Variants in GALNTL6 observed in about 807,000 individuals in gnomAD.
GALNTL6 encodes polypeptide N-acetylgalactosaminyltransferase-like 6.
In GALNTL6, 46 loss-of-function variants were observed where a neutral mutation model predicts 73.7. The observed-to-expected ratio is 0.62, with a 90% confidence interval of 0.49 to 0.80. The LOEUF is 0.80. Among genes scored for constraint, GALNTL6 ranks in the 30% least tolerant of loss-of-function variants. The pLI, the probability that GALNTL6 is intolerant of heterozygous loss-of-function variation, is 0.00. For synonymous variants in GALNTL6, 259 were observed against 263.7 expected (o/e 0.98, Z 0.17); for missense variants, 604 against 755.0 (o/e 0.80, Z 2.34).
At chr4:172,586,604 A>T (rs1405596019) in intron 5 of GALNTL6, among the ~76,000 whole-genome samples, 2 of 152,164 alleles carry the variant, frequency 1.3e-5, no homozygotes, top group Admixed American at 1.3e-4. Context: ...CTATATCTGG[A>T]TGCAGGGAAT....
At chr4:172,371,360 A>G (rs186599645) in intron 5 of GALNTL6, among the ~76,000 whole-genome samples, 14 of 152,350 alleles carry the variant, frequency 9.2e-5, no homozygotes, top group Admixed American at 8.5e-4. Flanking sequence ...ATGGGTTGTC[A>G]TTGGCCTCAG....
At chr4:172,590,568 CT>C (rs1205277897) in intron 5 of GALNTL6, among the ~76,000 whole-genome samples, 2 of 152,158 alleles carry the variant, frequency 1.3e-5, no homozygotes, top group East Asian at 3.9e-4. Flanking sequence ...AAAGACAAAG[CT>C]TTAGATGAAC....
At chr4:171,925,862 T>C (rs1014425648) in intron 2 of GALNTL6, among the ~76,000 whole-genome samples, 2 of 152,136 alleles carry the variant, frequency 1.3e-5, no homozygotes, top group African/African-American at 4.8e-5. Flanking sequence ...TCATAAATAA[T>C]TAGATGAACA....
chr4:172,816,138 A>G (rs907301277), intron 7 of GALNTL6, among the ~76,000 whole-genome samples: 6 of 152,168 alleles, frequency 3.9e-5, no homozygotes, highest in Non-Finnish European at 8.8e-5. Context: ...GCTGCCGCCA[A>G]AGTGTATGGT....
chr4:172,429,934 T>A (rs1349038757), intron 5 of GALNTL6, among the ~76,000 whole-genome samples: 1 of 152,154 alleles, frequency 6.6e-6, no homozygotes, highest in Non-Finnish European at 1.5e-5. Context: ...CAGAAATTCA[T>A]ACCAATCACC....
At chr4:172,532,216 G>A (rs1461024534) in intron 5 of GALNTL6, among the ~76,000 whole-genome samples, 2 of 152,178 alleles carry the variant, frequency 1.3e-5, no homozygotes, top group Non-Finnish European at 2.9e-5. Flanking sequence ...CAGTTAAGAA[G>A]AGGTTACTAA....
chr4:172,256,230 G>A (rs1738072564), intron 3 of GALNTL6, among the ~76,000 whole-genome samples: 2 of 151,110 alleles, frequency 1.3e-5, no homozygotes, highest in South Asian at 4.2e-4. Context: ...CAATCCAGCT[G>A]CAACAACCAT....
At chr4:172,701,580 C>T (rs1249625326) in intron 5 of GALNTL6, among the ~76,000 whole-genome samples, 1 of 152,042 alleles carries the variant, frequency 6.6e-6, no homozygotes, top group Non-Finnish European at 1.5e-5. Context: ...GCTTTAGTCG[C>T]AGTGTTACAC....
At chr4:171,822,485 AAT>A (rs1734711596) in intron 2 of GALNTL6, among the ~76,000 whole-genome samples, 1 of 152,190 alleles carries the variant, frequency 6.6e-6, no homozygotes, top group Non-Finnish European at 1.5e-5. Context: ...TAGGAGAAAT[AAT>A]TGGATTGTAT....
chr4:173,033,978 C>A (rs571661605), intron 12 of GALNTL6, among the ~76,000 whole-genome samples: 1 of 152,278 alleles, frequency 6.6e-6, no homozygotes, highest in South Asian at 2.1e-4. Context: ...TCGTAAGCAT[C>A]TCCAACTCGT....
chr4:172,007,065 A>G (rs995166160), intron 2 of GALNTL6, among the ~76,000 whole-genome samples: 1 of 152,188 alleles, frequency 6.6e-6, no homozygotes, highest in African/African-American at 2.4e-5. Flanking sequence ...TCCTTTTACA[A>G]TAATGAAAGA....
chr4:171,852,847 TTTTTTG>T (rs1338480613), intron 2 of GALNTL6, among the ~76,000 whole-genome samples: 23 of 150,464 alleles, frequency 1.5e-4, no homozygotes, highest in Admixed American at 1.5e-3. Flanking sequence ...GATGTAGGAG[TTTTTTG>T]TTTTTGTTTT....
At chr4:172,054,213 A>G (rs559077023) in intron 2 of GALNTL6, among the ~76,000 whole-genome samples, 1 of 152,236 alleles carries the variant, frequency 6.6e-6, no homozygotes, top group Admixed American at 6.5e-5. Flanking sequence ...TAACTCCAAT[A>G]TACTGCAATA....
chr4:172,325,816 A>G lies in GALNTL6; in HGVS notation c.386+14064A>G, dbSNP rs1740921667. Reference sequence around the variant, plus strand: ...AGAAATGGAATACTAAAAAATATATATAAATACCCAAAGAAAGCAGAAAAG... The same window carrying G: ...AGAAATGGAATACTAAAAAATATATGTAAATACCCAAAGAAAGCAGAAAAG... On this transcript the variant is annotated intron_variant, in intron 4 of 12. Transcript: ENST00000506823. 3.3e-5 allele frequency among the ~76,000 whole-genome samples: 5 copies of G among 151,896 alleles called. No homozygotes were observed. The South Asian group carries it at 1.0e-3, about 31-fold the overall frequency.
chr4:172,617,073 C>T (rs1286978794), intron 5 of GALNTL6, among the ~76,000 whole-genome samples: 1 of 151,500 alleles, frequency 6.6e-6, no homozygotes, highest in Non-Finnish European at 1.5e-5. Context: ...AATCCTACAG[C>T]CAAAAATAGA....
At chr4:172,908,508 G>T (rs574218601) in intron 8 of GALNTL6, among the ~76,000 whole-genome samples, 1 of 151,642 alleles carries the variant, frequency 6.6e-6, no homozygotes, top group Non-Finnish European at 1.5e-5. Context: ...TTTCTATTAG[G>T]TAATATGACC....
intron 5 of GALNTL6, among the ~76,000 whole-genome samples, chr4:172,486,634 C>A (rs74698889): frequency 0.021 from 3,190 of 152,268 alleles, 104 homozygotes; most frequent in African/African-American, 0.072. Context: ...ACCTTGTAGA[C>A]AAGTGTGCAT....
At chr4:172,275,231 A>G (rs1186583992) in intron 3 of GALNTL6, among the ~76,000 whole-genome samples, 1 of 152,244 alleles carries the variant, frequency 6.6e-6, no homozygotes, top group Non-Finnish European at 1.5e-5. Flanking sequence ...ATGATGTTTG[A>G]CAAGTATATC....
intron 3 of GALNTL6, among the ~76,000 whole-genome samples, chr4:172,283,876 T>C (rs534660282): frequency 6.6e-6 from 1 of 152,298 alleles, no homozygotes; most frequent in East Asian, 1.9e-4. Flanking sequence ...AGAGAATGTC[T>C]GCACTTCATT....
Sources: gnomAD v4.1 joint callset for allele counts (sites outside exome capture counted in the v4.1 genomes callset) on GRCh38, gnomAD v4.1.1 for gene constraint, MANE v1.5 for transcripts, NCBI Gene and HGNC (gene_info 2026-07-23, HGNC 2026-07-21) for gene names.